Variants in GPR20 observed in about 807,000 individuals in gnomAD.
GPR20 encodes G protein-coupled receptor 20, also known as CTD-3064M3.3.
For missense variants in GPR20, 494 were observed against 527.4 expected, an observed-to-expected ratio of 0.94 and a Z score of 0.62; for synonymous variants, 241 against 241.9, an observed-to-expected ratio of 1.00 and a Z score of 0.04.
At chr8:141,364,142 G>A (rs1264711771) in intron 1 of GPR20, among the ~76,000 whole-genome samples, 1 of 152,200 alleles carries the variant, frequency 6.6e-6, no homozygotes, top group East Asian at 1.9e-4. Flanking sequence ...AGTGCGGGCT[G>A]GGGAGCAGAG....
At chr8:141,363,517 G>C (rs7013569) in intron 1 of GPR20, among the ~76,000 whole-genome samples, 7,006 of 152,306 alleles carry the variant, frequency 0.046, 443 homozygotes, top group African/African-American at 0.15. Context: ...CACACCACTA[G>C]TCCATGCCCA....
At chr8:141,362,933 G>A (rs1399061231) in intron 1 of GPR20, among the ~76,000 whole-genome samples, 1 of 151,970 alleles carries the variant, frequency 6.6e-6, no homozygotes, top group Non-Finnish European at 1.5e-5. Flanking sequence ...TTGTATTTTT[G>A]GTACAGATGG....
At position 141,365,807 on chromosome 8, in the gene GPR20, G is replaced by A. The variant is rs529700215; in HGVS notation, c.-25+1394C>T. Among the ~76,000 whole-genome samples, 11 of 152,224 alleles carry A rather than the reference G, an allele frequency of 7.2e-5. No homozygotes were observed. In the East Asian group the frequency reaches 1.7e-3, roughly 24 times the overall value. On this transcript the variant is annotated intron_variant, in intron 1 of 1. Coordinates refer to ENST00000377741, the MANE Select transcript of GPR20 (RefSeq NM_005293.3). ...AACTTAAGGTTCTTTGGGCCCTGAC[G>A]CCCCTCCTCAGGGAGGCCCTCCAGA...
At position 141,357,142 on chromosome 8, in the gene GPR20, T is replaced by G; in HGVS notation, c.782A>C (p.Gln261Pro). 1 of 1,610,652 alleles carries G rather than the reference T, an allele frequency of 6.2e-7. No homozygotes were observed. Among genetic ancestry groups the G allele is most frequent in the Non-Finnish European group, 8.5e-7 (1 of 1,179,834 alleles). ...LVCFTPFHAR[Q>P]VAVALWPDMP... ...GTCGGGCCACAGCGCCACGGCCACT[T>G]GGCGGGCGTGGAAGGGCGTGAAGCA... Residue 261 changes from glutamine to proline, a missense_variant, in exon 2 of 2, where the codon CAA becomes CCA. Physicochemically the swap from Gln to Pro is moderately conservative, Grantham distance 76. Transcript: ENST00000377741.
chr8:141,356,737 C>A lies in GPR20; in HGVS notation c.*110G>T. 1 of 716,306 alleles carries A rather than the reference C, an allele frequency of 1.4e-6. No individual in the cohort carries two copies. Among genetic ancestry groups the A allele is most frequent in the Non-Finnish European group, 2.3e-6 (1 of 434,250 alleles). The allele number at this position is 716,306 out of a possible 1,614,324, so 44.4% of individuals were successfully genotyped here. On this transcript the variant is annotated 3_prime_UTR_variant, in exon 2 of 2. Coordinates refer to ENST00000377741, the MANE Select transcript of GPR20 (RefSeq NM_005293.3). ...CGCTCAATGCGGTGCTCTGGGTAGC[C>A]ATCACCAATCAATCGAGATGGAACC... is the stretch of plus-strand genomic sequence containing the variant.
intron 1 of GPR20, among the ~76,000 whole-genome samples, chr8:141,361,981 A>T (rs1444100228): frequency 6.6e-6 from 1 of 152,146 alleles, no homozygotes; most frequent in African/African-American, 2.4e-5. Context: ...CCCTCCCCGT[A>T]GGTATCACAT....
chr8:141,360,502 AT>A (rs1178509065), intron 1 of GPR20, among the ~76,000 whole-genome samples: 2 of 151,930 alleles, frequency 1.3e-5, no homozygotes, highest in Non-Finnish European at 2.9e-5. Flanking sequence ...CTGTCTCCAT[AT>A]TGTCAACCCC....
chr8:141,365,533 C>T (rs1831802269), intron 1 of GPR20, among the ~76,000 whole-genome samples: 1 of 152,244 alleles, frequency 6.6e-6, no homozygotes. Context: ...TAGACCCCAG[C>T]ACTGCGGGCA....
chr8:141,359,566 C>G (rs987902840), intron 1 of GPR20, among the ~76,000 whole-genome samples: 8 of 152,206 alleles, frequency 5.3e-5, no homozygotes, highest in African/African-American at 1.9e-4. Flanking sequence ...CCCAGCTCCC[C>G]CCGACTGCAA....
chr8:141,366,178 G>A (rs1027840615), intron 1 of GPR20, among the ~76,000 whole-genome samples: 5 of 152,342 alleles, frequency 3.3e-5, no homozygotes, highest in South Asian at 2.1e-4. Flanking sequence ...CTCTCCAGCC[G>A]CAGACCCCGC....
intron 1 of GPR20, among the ~76,000 whole-genome samples, chr8:141,364,049 C>T (rs1053055353): frequency 3.9e-5 from 6 of 152,234 alleles, no homozygotes; most frequent in Admixed American, 1.3e-4. Context: ...GGTGTCCTCA[C>T]GGTTACCCAG....
rs747634210 is a variant in GPR20 at position 141,356,837 on chromosome 8, G to A, written c.*10C>T. The A allele has an allele frequency of 2.2e-5, 34 of 1,566,732 alleles. No homozygotes were observed. The highest frequency in any genetic ancestry group is 4.5e-5 in the East Asian group (2 of 44,256). Reference sequence around the variant, plus strand: ...GTCCTGACCTTCGGCCCCTGGCAGAGCCCTGCTGACTAAGCCTCGGGCCCA... The same window carrying A: ...GTCCTGACCTTCGGCCCCTGGCAGAACCCTGCTGACTAAGCCTCGGGCCCA... On this transcript the variant is annotated 3_prime_UTR_variant, in exon 2 of 2. Transcript: ENST00000377741.
intron 1 of GPR20, among the ~76,000 whole-genome samples, chr8:141,365,443 C>T (rs1163636153): frequency 6.6e-6 from 1 of 152,252 alleles, no homozygotes; most frequent in Non-Finnish European, 1.5e-5. Context: ...CCTTCTGCGG[C>T]ACCCAGCCCT....
At position 141,357,562 on chromosome 8, in the gene GPR20, C is replaced by G. The variant is rs751807193; in HGVS notation, c.362G>C (p.Arg121Pro). ...AVYYGARGCL[R>P]CAFPHVLGYF... ...ACCGAGGACGTGCGGGAAGGCACAG[C>G]GCAGGCAGCCCCTGGCGCCGTAGTA... The change falls in exon 2 of 2, where the codon CGC (arginine) becomes CCC (proline). Residue 121 changes from arginine to proline, a missense_variant. Physicochemically the swap from Arg to Pro is moderately radical, Grantham distance 103 (BLOSUM62 -2). Coordinates refer to ENST00000377741, the MANE Select transcript of GPR20 (RefSeq NM_005293.3). The G allele has an allele frequency of 1.4e-5, 22 of 1,613,822 alleles. No individual in the cohort carries two copies. In the South Asian group the frequency reaches 1.8e-4, roughly 13 times the overall value.
At chr8:141,365,338 A>C (rs930531079) in intron 1 of GPR20, among the ~76,000 whole-genome samples, 2 of 152,174 alleles carry the variant, frequency 1.3e-5, no homozygotes, top group Non-Finnish European at 2.9e-5. Flanking sequence ...AGAGGGGCTA[A>C]GTCATGTGTC....
intron 1 of GPR20, among the ~76,000 whole-genome samples, chr8:141,363,790 C>T (rs935984601): frequency 2.0e-5 from 3 of 152,246 alleles, no homozygotes; most frequent in Non-Finnish European, 4.4e-5. Flanking sequence ...GCCTGTCTGC[C>T]TCTGTCCTGC....
At chr8:141,365,908 C>T (rs766202072) in intron 1 of GPR20, among the ~76,000 whole-genome samples, 9 of 152,232 alleles carry the variant, frequency 5.9e-5, no homozygotes, top group Non-Finnish European at 1.0e-4. Flanking sequence ...TATGTCCCTG[C>T]TTTCCTGTTC....
In GPR20 at chr8:141,357,961, G is replaced by A; in HGVS notation, c.-24-14C>T. 1 of 1,316,672 alleles carries A rather than the reference G, an allele frequency of 7.6e-7. No individual in the cohort carries two copies. The highest frequency in any genetic ancestry group is 1.4e-5 in the South Asian group (1 of 70,592). The allele number at this position is 1,316,672 out of a possible 1,614,324, so 81.6% of individuals were successfully genotyped here. ...CACACCCCAGGCCTGGAAGCAAGGA[G>A]ACCAGGTCACCCCAGGCGCCAGCCT... On this transcript the variant is annotated splice_polypyrimidine_tract_variant and intron_variant, in intron 1 of 1. Transcript: ENST00000377741.
rs552828439 is a variant in GPR20 at position 141,367,203 on chromosome 8, C to T, written c.-27G>A. 8 of 152,358 alleles carry T rather than the reference C, an allele frequency of 5.3e-5. No individual in the cohort carries two copies. The highest frequency in any genetic ancestry group is 9.6e-5 in the African/African-American group (4 of 41,536). The allele number at this position is 152,358 out of a possible 1,614,324, so 9.4% of individuals were successfully genotyped here. A position where few individuals can be genotyped will look rare whatever the true frequency, so the allele number is the denominator to read the frequency against. ...GGCCAGCCCACAGGGGAACTTACCG[C>T]GCTTCACCCGGGCAGGCTGGAGATG... On this transcript the variant is annotated splice_region_variant and 5_prime_UTR_variant, in exon 1 of 2. Coordinates refer to ENST00000377741, the MANE Select transcript of GPR20 (RefSeq NM_005293.3).
Sources: gnomAD v4.1 joint callset for allele counts (sites outside exome capture counted in the v4.1 genomes callset) on GRCh38, gnomAD v4.1.1 for gene constraint, MANE v1.5 for transcripts, NCBI Gene and HGNC (gene_info 2026-07-23, HGNC 2026-07-21) for gene names.